The following BFSP2 variants were observed in gnomAD, a reference collection of about 807,000 sequenced individuals.
BFSP2 encodes the protein beaded filament structural protein 2, also known as phakinin.
A neutral mutation model predicts 44.9 loss-of-function variants in BFSP2; 38 were observed. The observed-to-expected ratio is 0.85, with a 90% CI of 0.65 to 1.11. The LOEUF (loss-of-function observed/expected upper bound fraction) is 1.11. Among genes scored for constraint, BFSP2 ranks in the 50% least tolerant of loss-of-function variants. The pLI is 0.00. For synonymous variants in BFSP2, 197 were observed against 209.9 expected, an observed-to-expected ratio of 0.94 and a Z score of 0.53; for missense variants, 525 against 533.0, an observed-to-expected ratio of 0.99 and a Z score of 0.15.
intron 1 of BFSP2, chr3:133,445,398 G>C (rs1369968948): frequency 6.6e-6 from 1 of 152,192 alleles, no homozygotes; most frequent in Admixed American, 6.5e-5. Context: ...AAATTGTTGG[G>C]ACCCACCTGC....
intron 1 of BFSP2, chr3:133,404,820 TC>T (rs1417038014): frequency 6.6e-6 from 1 of 152,174 alleles, no homozygotes; most frequent in Non-Finnish European, 1.5e-5. Context: ...AAGTTCTGTT[TC>T]AATTCCAAAC....
intron 4 of BFSP2, 80 bp from the exon 5 acceptor site, chr3:133,466,748 G>T: frequency 6.6e-7 from 1 of 1,523,668 alleles, no homozygotes. Context: ...CAGTGGAGTG[G>T]TGATTAGAAA....
At chr3:133,428,945 C>T (rs9853488) in intron 1 of BFSP2, among the ~76,000 whole-genome samples, 126,439 of 152,192 alleles carry the variant, frequency 0.83, 52,690 homozygotes, top group Middle Eastern at 0.93. Flanking sequence ...CGATCTCATT[C>T]TGTTCTTAAT....
At chr3:133,419,499 G>A (rs1472114490) in intron 1 of BFSP2, among the ~76,000 whole-genome samples, 1 of 152,220 alleles carries the variant, frequency 6.6e-6, no homozygotes, top group Non-Finnish European at 1.5e-5. Context: ...AGTCTATGTA[G>A]AGTGCCCGTT....
At position 133,413,327 on chromosome 3, in the gene BFSP2, C is replaced by T. The variant is rs556546199; in HGVS notation, c.489+12755C>T. On this transcript the variant is annotated intron_variant, in intron 1 of 6. Coordinates refer to ENST00000302334, the MANE Select transcript of BFSP2 (RefSeq NM_003571.4). Reference sequence around the variant, plus strand: ...TGTCCCGGTGGGAGAGAAGACCCATCTCCACAGCTCCTCTCAAAACAAACC... The same window carrying T: ...TGTCCCGGTGGGAGAGAAGACCCATTTCCACAGCTCCTCTCAAAACAAACC... 2.6e-5 allele frequency among the ~76,000 whole-genome samples: 4 copies of T among 152,012 alleles called. No homozygotes were observed. In the South Asian group the frequency reaches 8.3e-4, roughly 32 times the overall value.
At chr3:133,421,923 G>A (rs1314995676) in intron 1 of BFSP2, among the ~76,000 whole-genome samples, 1 of 151,830 alleles carries the variant, frequency 6.6e-6, no homozygotes, top group Non-Finnish European at 1.5e-5. Flanking sequence ...CCTGGCCTAC[G>A]TGGTGAAAAC....
At chr3:133,446,430 A>AT (rs1450149845) in intron 1 of BFSP2, among the ~76,000 whole-genome samples, 1 of 151,072 alleles carries the variant, frequency 6.6e-6, no homozygotes, top group Non-Finnish European at 1.5e-5. Flanking sequence ...CAAAGAAAAA[A>AT]CAAAAAAAGT....
In BFSP2 at chr3:133,400,519, C is replaced by T. The variant is rs144399466; in HGVS notation, c.436C>T (p.Arg146Cys). The T allele has an allele frequency of 4.2e-5, 68 of 1,613,782 alleles. No individual in the cohort carries two copies. Among genetic ancestry groups the T allele is most frequent in the Middle Eastern group, 3.3e-4 (2 of 6,060 alleles). The change falls in exon 1 of 7, where the codon CGC becomes TGC. Residue 146 changes from arginine to cysteine, a missense_variant. Coordinates refer to ENST00000302334, the MANE Select transcript of BFSP2 (RefSeq NM_003571.4). This position sits in a 1 kb window ranked among gnomAD's most constrained non-coding sequence, Gnocchi z 4.0. ...LRMHLESKAT[R>C]SGNWGALRAS... ...GATGCACCTGGAGAGCAAAGCCACA[C>T]GCTCGGGAAACTGGGGTGCCCTACG...
intron 1 of BFSP2, among the ~76,000 whole-genome samples, chr3:133,417,501 C>T (rs2073549881): frequency 1.7e-5 from 2 of 120,876 alleles, no homozygotes; most frequent in African/African-American, 3.7e-5. Flanking sequence ...GCCCTCTCCC[C>T]TCTACTCATC....
At chr3:133,474,848 A>T in intron 6 of BFSP2, 121 bp from the exon 7 acceptor site, 1 of 1,356,492 alleles carries the variant, frequency 7.4e-7, no homozygotes, top group South Asian at 1.2e-5. Flanking sequence ...AAAACCCAAA[A>T]CTATCTTGTT....
At chr3:133,406,867 A>G (rs1305202375) in intron 1 of BFSP2, among the ~76,000 whole-genome samples, 1 of 152,232 alleles carries the variant, frequency 6.6e-6, no homozygotes, top group Non-Finnish European at 1.5e-5. Context: ...CTATACGACA[A>G]AAAATAAGAT....
chr3:133,416,538 C>T (rs1333384030), intron 1 of BFSP2, among the ~76,000 whole-genome samples: 1 of 144,670 alleles, frequency 6.9e-6, no homozygotes, highest in Non-Finnish European at 1.5e-5. Flanking sequence ...CCCCTCTACT[C>T]ATCCCTCTAT....
At chr3:133,404,722 T>C (rs1382328567) in intron 1 of BFSP2, 1 of 152,222 alleles carries the variant, frequency 6.6e-6, no homozygotes, top group African/African-American at 2.4e-5. Context: ...AATCGCACTT[T>C]GTTCCTGCTC....
Position 133,472,511 on chromosome 3 carries a change from A to G in BFSP2, c.1190A>G (p.Gln397Arg). 6.2e-7 allele frequency: 1 copy of G among 1,613,176 alleles called. No homozygotes were observed. Among genetic ancestry groups the G allele is most frequent in the Non-Finnish European group, 8.5e-7 (1 of 1,180,004 alleles). Residue 397 changes from glutamine to arginine, a missense_variant, in exon 6 of 7, where the codon CAG becomes CGG. By Grantham distance (43) the Gln-to-Arg change is conservative (BLOSUM62 1). Transcript: ENST00000302334. ...GCGCATCTGCTGGCCCGCAAGTGCC[A>G]GCTGCAGAAGGACGTGGCGTCCTAC... The part of the protein sequence containing the change: ...ERAHLLARKC[Q>R]LQKDVASYHA...
chr3:133,424,276 G>T (rs1295090256), intron 1 of BFSP2, among the ~76,000 whole-genome samples: 3 of 113,874 alleles, frequency 2.6e-5, no homozygotes, highest in Non-Finnish European at 5.7e-5. Flanking sequence ...CGCCTTCTTG[G>T]TCAGTCTGGT....
At chr3:133,438,058 T>C (rs1455092310) in intron 1 of BFSP2, among the ~76,000 whole-genome samples, 2 of 152,206 alleles carry the variant, frequency 1.3e-5, no homozygotes, top group East Asian at 3.8e-4. Flanking sequence ...AAACTGTCTA[T>C]AGTTGATACA....
chr3:133,438,756 C>T (rs2073816449), intron 1 of BFSP2, among the ~76,000 whole-genome samples: 1 of 152,058 alleles, frequency 6.6e-6, no homozygotes, highest in African/African-American at 2.4e-5. Flanking sequence ...TACAGATTTT[C>T]CAAGTGATAT....
Position 133,444,823 on chromosome 3 carries a change from C to T in BFSP2, c.490-2494C>T, listed in dbSNP as rs190179613. On this transcript the variant is annotated intron_variant, in intron 1 of 6. Transcript: ENST00000302334. ...TAATAAAATGGGCTCCCTGGACCAC[C>T]GCAAGAGCCTCCCGACTGGTTCTTT... Among the ~76,000 whole-genome samples, 42 of 152,270 alleles carry T rather than the reference C, an allele frequency of 2.8e-4. No homozygotes were observed. In the East Asian group the frequency reaches 6.4e-3, roughly 23 times the overall value.
intron 1 of BFSP2, among the ~76,000 whole-genome samples, chr3:133,430,147 G>A (rs2107903891): frequency 6.6e-6 from 1 of 152,098 alleles, no homozygotes; most frequent in African/African-American, 2.4e-5. Context: ...TCTTAATCCA[G>A]TCTATCATTG....
Sources: gnomAD v4.1 joint callset for allele counts (sites outside exome capture counted in the v4.1 genomes callset) on GRCh38, gnomAD v4.1.1 for gene constraint, Gnocchi (gnomAD v3.1) non-coding constraint, MANE v1.5 for transcripts, NCBI Gene and HGNC (gene_info 2026-07-23, HGNC 2026-07-21) for gene names.